CEP250: variants seen among roughly 807,000 people sequenced by gnomAD.
CEP250 encodes the protein centrosomal protein 250, also known as centrosome-associated protein CEP250.
CEP250 carries 242 observed loss-of-function variants against 315.7 expected under a neutral mutation model. The observed-to-expected ratio is 0.77, with a 90% CI of 0.69 to 0.85. The LOEUF is 0.85. Ranked by LOEUF, CEP250 falls within the 40% of genes least tolerant of loss-of-function variation. The pLI is 0.00. For missense variants in CEP250, 2,515 were observed against 2,886.4 expected, an observed-to-expected ratio of 0.87 and a Z score of 2.95; for synonymous variants, 1,088 against 1,175.0, an observed-to-expected ratio of 0.93 and a Z score of 1.51.
chr20:35,500,018 C>T, intron 27 of CEP250, 31 bp from the exon 28 acceptor site: 3 of 1,613,478 alleles, frequency 1.9e-6, no homozygotes, highest in Non-Finnish European at 2.5e-6. Flanking sequence ...AGATGAGGAA[C>T]TCACGTTTAG....
chr20:35,455,284 T>C (rs1568743191), upstream of CEP250: 1 of 152,198 alleles, frequency 6.6e-6, no homozygotes, highest in Non-Finnish European at 1.5e-5. Context: ...GGGTTAACCG[T>C]CCGAGGCCCG....
chr20:35,505,746 G>A (rs1220637587), intron 30 of CEP250, among the ~76,000 whole-genome samples: 2 of 152,056 alleles, frequency 1.3e-5, no homozygotes, highest in Non-Finnish European at 2.9e-5. Flanking sequence ...AGGAAAAGAG[G>A]GCGAGAACAA....
rs745685716 is a variant in CEP250, at chr20:35,493,509, C to T, written c.2970C>T (p.Asp990=). ...LKEAARQHRD[D]LAALQEESSS... The stretch of plus-strand genomic sequence containing the variant: ...AGGCAGCCCGGCAGCACAGAGATGA[C>T]CTTGCTGCCCTCCAAGAAGAGAGCA... The change falls in exon 23 of 35, where the codon GAC becomes GAT. Residue 990 remains aspartate, a synonymous_variant. Transcript: ENST00000397527. The T allele has an allele frequency of 3.5e-5, 57 of 1,609,012 alleles. No individual in the cohort carries two copies. Among genetic ancestry groups the T allele is most frequent in the Non-Finnish European group, 4.8e-5 (56 of 1,177,950 alleles).
At chr20:35,494,859 A>G (rs114873946) in intron 24 of CEP250, among the ~76,000 whole-genome samples, 16 of 152,336 alleles carry the variant, frequency 1.1e-4, no homozygotes, top group African/African-American at 3.6e-4. Context: ...AACGCCTGTT[A>G]TGCACCAGGC....
At chr20:35,482,543 A>C (rs2063380948) in intron 20 of CEP250, among the ~76,000 whole-genome samples, 1 of 143,684 alleles carries the variant, frequency 7.0e-6, no homozygotes, top group Non-Finnish European at 1.5e-5. Context: ...CCGGCTATTT[A>C]TTTTTTTATA....
Position 35,463,642 on chromosome 20 carries a change from C to A in CEP250, c.243+11C>A. Reference sequence around the variant, plus strand: ...CTAGAAGCCACTGGAGTGAGTGAGGCTGAGCTCTCTGCACCCCCTGGGTCC... The same window carrying A: ...CTAGAAGCCACTGGAGTGAGTGAGGATGAGCTCTCTGCACCCCCTGGGTCC... On this transcript the variant is annotated intron_variant, in intron 5 of 34. Transcript: ENST00000397527. 1 of 1,602,004 alleles carries A rather than the reference C, an allele frequency of 6.2e-7. No homozygotes were observed. The highest frequency in any genetic ancestry group is 8.5e-7 in the Non-Finnish European group (1 of 1,174,148).
At chr20:35,492,021 G>A (rs2063712367) in intron 22 of CEP250, among the ~76,000 whole-genome samples, 1 of 151,702 alleles carries the variant, frequency 6.6e-6, no homozygotes, top group African/African-American at 2.4e-5. Context: ...CAAAGTAAAT[G>A]AGATTATTAC....
chr20:35,492,374 T>C (rs1356508289), intron 22 of CEP250, among the ~76,000 whole-genome samples: 1 of 152,094 alleles, frequency 6.6e-6, no homozygotes, highest in African/African-American at 2.4e-5. Flanking sequence ...TTGGGATTGA[T>C]GGAAATGTTC....
intron 20 of CEP250, 40 bp downstream of exon 20, chr20:35,480,185 G>C (rs1289567879): frequency 1.3e-6 from 2 of 1,571,132 alleles, no homozygotes; most frequent in South Asian, 2.3e-5. Context: ...TCCCTTCCAT[G>C]AGTGCTCTAC....
intron 34 of CEP250, 151 bp downstream of exon 34, chr20:35,510,205 A>G (rs2064314940): frequency 2.9e-6 from 2 of 699,974 alleles, no homozygotes; most frequent in African/African-American, 1.8e-5. Context: ...CATCTCTCAT[A>G]TGCCTAGGGT....
chr20:35,472,804 G>A lies in CEP250; in HGVS notation c.1182G>A (p.Val394=). The change falls in exon 12 of 35, where the codon GTG becomes GTA. Residue 394 remains valine, a synonymous_variant. Transcript: ENST00000397527. The part of the protein sequence containing the change: ...ADKALTLVRS[V]LTRRRQAVQD... ...AGGCTCTTACTCTGGTGCGTTCAGT[G>A]CTGACTCGGAGACGCCAGGCTGTGC... 1 of 1,614,158 alleles carries A rather than the reference G, an allele frequency of 6.2e-7. No homozygotes were observed. The highest frequency in any genetic ancestry group is 8.5e-7 in the Non-Finnish European group (1 of 1,180,018).
At chr20:35,494,362 G>T in intron 23 of CEP250, 162 bp from the exon 24 acceptor site, 1 of 839,048 alleles carries the variant, frequency 1.2e-6, no homozygotes, top group Non-Finnish European at 1.9e-6. Context: ...TGAGGAAGGG[G>T]GTGGTTAAGA....
rs2064039905 is a variant in CEP250 at position 35,502,557 on chromosome 20, G to C, written c.4188G>C (p.Glu1396Asp). ...TGAAGCTGAAAAATGAGGAAGTAGAGAGTGAGCGTGAGAGAGCCCAGGCTC... is the reference window on the plus strand; with the variant it reads ...TGAAGCTGAAAAATGAGGAAGTAGACAGTGAGCGTGAGAGAGCCCAGGCTC... ...SALKLKNEEV[E>D]SERERAQALQ... Residue 1396 changes from glutamate (E) to aspartate (D), a missense_variant, in exon 30 of 35, where the codon GAG (glutamate) becomes GAC (aspartate). Glu to Asp is a conservative substitution (Grantham distance 45, BLOSUM62 2). Coordinates refer to ENST00000397527, the MANE Select transcript of CEP250 (RefSeq NM_007186.6). 5 of 1,614,222 alleles carry C rather than the reference G, an allele frequency of 3.1e-6. No individual in the cohort carries two copies. The Middle Eastern group carries it at 4.9e-4, about 160-fold the overall frequency.
At chr20:35,477,500 C>A (rs1006965981) in intron 16 of CEP250, among the ~76,000 whole-genome samples, 2 of 152,300 alleles carry the variant, frequency 1.3e-5, no homozygotes, top group South Asian at 4.1e-4. Context: ...TAGCAATCAC[C>A]AGAAAAGAAT....
At position 35,502,642 on chromosome 20, in the gene CEP250, C is replaced by T. The variant is rs762174799; in HGVS notation, c.4273C>T (p.Leu1425Phe). The stretch of plus-strand genomic sequence containing the variant: ...GAAGGCTCTGCAAGAGAATTTGGCC[C>T]TCCTGACCCAGACCCTAGCTGAAAG... Reference protein sequence around the residue: ...QGKALQENLALLTQTLAEREE... With the variant: ...QGKALQENLAFLTQTLAEREE... The change falls in exon 30 of 35, where the codon CTC (leucine) becomes TTC (phenylalanine). Residue 1425 changes from leucine to phenylalanine, a missense_variant. Physicochemically the swap from Leu to Phe is conservative, Grantham distance 22 (BLOSUM62 0). Transcript: ENST00000397527. 64 of 1,614,134 alleles carry T rather than the reference C, an allele frequency of 4.0e-5. No individual in the cohort carries two copies. The highest frequency in any genetic ancestry group is 5.3e-5 in the Non-Finnish European group (62 of 1,180,056).
At chr20:35,479,116 C>T (rs574760681) in intron 17 of CEP250, 115 bp from the exon 18 acceptor site, 25 of 996,360 alleles carry the variant, frequency 2.5e-5, no homozygotes, top group Middle Eastern at 4.4e-4. Context: ...GTAAGCAATC[C>T]GGGCTCACAG....
rs1479573497 is a variant in CEP250 at position 35,514,445 on chromosome 20, G to C, written c.*2819G>C. The C allele has an allele frequency of 6.6e-6, 1 of 152,382 alleles. No individual in the cohort carries two copies. The highest frequency in any genetic ancestry group is 1.9e-4 in the East Asian group (1 of 5,206). 9.4% of individuals were successfully genotyped at this position (152,382 alleles called of 1,614,324 possible). On this transcript the variant is annotated 3_prime_UTR_variant, in exon 35 of 35. Transcript: ENST00000397527. ...CTGGAAAGGCCTGAAAGCAGGAGGG[G>C]ACAAGAGTCGTCAGAGGCTGGGCAA...
At chr20:35,484,587 T>A (rs2063451579) in intron 20 of CEP250, among the ~76,000 whole-genome samples, 2 of 151,986 alleles carry the variant, frequency 1.3e-5, no homozygotes, top group Non-Finnish European at 2.9e-5. Flanking sequence ...CCCCTTAAGC[T>A]GAGGTCACTA....
Position 35,503,813 on chromosome 20 carries a change from G to C in CEP250, c.5444G>C (p.Arg1815Thr). 1 of 1,614,010 alleles carries C rather than the reference G, an allele frequency of 6.2e-7. No homozygotes were observed. The highest frequency in any genetic ancestry group is 1.1e-5 in the South Asian group (1 of 91,080). The change falls in exon 30 of 35, where the codon AGG becomes ACG. Residue 1815 changes from arginine to threonine, a missense_variant. Physicochemically the swap from Arg to Thr is moderately conservative, Grantham distance 71 (BLOSUM62 -1). Coordinates refer to ENST00000397527, the MANE Select transcript of CEP250 (RefSeq NM_007186.6). This position sits in a 1 kb window ranked among gnomAD's most constrained non-coding sequence, Gnocchi z 4.2. ...GAGGCCCAGAGAGCCCTAGCCCAGA[G>C]GGACCAGGAACTGGAGGCTCTGCAG... ...LDEAQRALAQ[R>T]DQELEALQQE...
Sources: gnomAD v4.1 joint callset for allele counts (sites outside exome capture counted in the v4.1 genomes callset) on GRCh38, gnomAD v4.1.1 for gene constraint, Gnocchi (gnomAD v3.1) non-coding constraint, MANE v1.5 for transcripts, NCBI Gene and HGNC (gene_info 2026-07-23, HGNC 2026-07-21) for gene names.